Variants in SMOC2 observed in about 807,000 individuals in gnomAD.
The protein encoded by SMOC2 is SPARC-related modular calcium-binding protein 2.
Under a neutral mutation model 61.4 loss-of-function variants are expected in SMOC2, and 39 were observed. The ratio of observed to expected loss-of-function variants is 0.64; its 90% CI spans 0.49 to 0.83. The LOEUF (loss-of-function observed/expected upper bound fraction) is 0.83. Among genes scored for constraint, SMOC2 ranks in the 40% least tolerant of loss-of-function variants. SMOC2 has a pLI of 0.00. For synonymous variants in SMOC2, 247 were observed against 239.9 expected (o/e 1.03, Z -0.27); for missense variants, 556 against 592.9 (o/e 0.94, Z 0.65).
intron 9 of SMOC2, among the ~76,000 whole-genome samples, chr6:168,642,224 G>A (rs1237303753): frequency 2.0e-5 from 3 of 152,252 alleles, no homozygotes; most frequent in East Asian, 1.9e-4. Flanking sequence ...GAAGATTTAC[G>A]GACAGAAAAA....
At chr6:168,514,504 C>T (rs903115138) in intron 2 of SMOC2, among the ~76,000 whole-genome samples, 34 of 152,286 alleles carry the variant, frequency 2.2e-4, no homozygotes, top group African/African-American at 6.5e-4. Flanking sequence ...TGTGTCTGAC[C>T]GACGTGTGTG....
chr6:168,635,890 A>C (rs939286961), intron 9 of SMOC2, among the ~76,000 whole-genome samples: 3 of 142,276 alleles, frequency 2.1e-5, no homozygotes, highest in Non-Finnish European at 3.1e-5. Context: ...AAAAAAGTTT[A>C]CTGGTTTAAC....
intron 2 of SMOC2, among the ~76,000 whole-genome samples, chr6:168,515,360 C>G (rs900700341): frequency 6.6e-6 from 1 of 152,154 alleles, no homozygotes; most frequent in African/African-American, 2.4e-5. Context: ...GAGACTGTTC[C>G]CCGCGCATCA....
At chr6:168,541,970 T>G (rs1783886076) in intron 4 of SMOC2, among the ~76,000 whole-genome samples, 1 of 152,228 alleles carries the variant, frequency 6.6e-6, no homozygotes, top group Non-Finnish European at 1.5e-5. Context: ...TGCAAAATAT[T>G]TTCTTATTTC....
intron 2 of SMOC2, among the ~76,000 whole-genome samples, chr6:168,523,770 G>A (rs1783390806): frequency 6.6e-6 from 1 of 152,146 alleles, no homozygotes; most frequent in South Asian, 2.1e-4. Context: ...TAAACATAAA[G>A]TGTTCAGAGT....
chr6:168,501,204 A>G (rs77973234), intron 1 of SMOC2, among the ~76,000 whole-genome samples: 14 of 152,352 alleles, frequency 9.2e-5, no homozygotes, highest in Admixed American at 2.6e-4. Context: ...CTGAATCTCA[A>G]ATAAAACTGG....
intron 2 of SMOC2, among the ~76,000 whole-genome samples, chr6:168,525,200 T>C (rs566069212): frequency 1.7e-4 from 26 of 152,352 alleles, no homozygotes; most frequent in African/African-American, 6.3e-4. Context: ...AAAGCATGCA[T>C]GTGTGTTCTG....
At chr6:168,600,564 T>C (rs73262509) in intron 8 of SMOC2, among the ~76,000 whole-genome samples, 5,215 of 152,276 alleles carry the variant, frequency 0.034, 299 homozygotes, top group African/African-American at 0.12. Context: ...CTGGCTCTTC[T>C]GCCCCACTCA....
intron 2 of SMOC2, among the ~76,000 whole-genome samples, chr6:168,522,136 A>C (rs888286283): frequency 6.6e-6 from 1 of 152,176 alleles, no homozygotes. Context: ...TAGTAATATA[A>C]TACTATGAGC....
At chr6:168,571,882 T>TG (rs1784676724) in intron 7 of SMOC2, among the ~76,000 whole-genome samples, 2 of 107,820 alleles carry the variant, frequency 1.9e-5, no homozygotes, top group Non-Finnish European at 3.8e-5. Flanking sequence ...CATCCCCGGG[T>TG]GCGGGGACCA....
intron 1 of SMOC2, among the ~76,000 whole-genome samples, chr6:168,443,524 A>C (rs1340676969): frequency 3.9e-5 from 6 of 152,196 alleles, no homozygotes; most frequent in African/African-American, 1.2e-4. Context: ...CCCGAAGAAA[A>C]GATTAAAGCC....
chr6:168,602,410 T>C (rs1265625809), intron 8 of SMOC2, among the ~76,000 whole-genome samples: 1 of 152,284 alleles, frequency 6.6e-6, no homozygotes, highest in Non-Finnish European at 1.5e-5. Flanking sequence ...GGCATCACAG[T>C]GATAATGTAT....
At chr6:168,655,256 T>C (rs572074356) in intron 11 of SMOC2, 17 of 381,266 alleles carry the variant, frequency 4.5e-5, no homozygotes, top group Non-Finnish European at 5.3e-5. Context: ...ACCCTGCACC[T>C]GAGCTCCAAC....
chr6:168,614,356 T>C (rs796653442), intron 9 of SMOC2, among the ~76,000 whole-genome samples: 150 of 56,948 alleles, frequency 2.6e-3, no homozygotes, highest in Middle Eastern at 0.027. Flanking sequence ...GACCTCTTCA[T>C]ACCTACAGCC....
chr6:168,496,631 A>G (rs972178697), intron 1 of SMOC2, among the ~76,000 whole-genome samples: 1 of 152,014 alleles, frequency 6.6e-6, no homozygotes, highest in Non-Finnish European at 1.5e-5. Flanking sequence ...CTTGGCCGGC[A>G]CCTGGACGGG....
At chr6:168,647,947 C>G (rs1043779949) in intron 9 of SMOC2, among the ~76,000 whole-genome samples, 1 of 151,806 alleles carries the variant, frequency 6.6e-6, no homozygotes, top group African/African-American at 2.4e-5. Context: ...TCTTTTTGCA[C>G]TAAAGACTCC....
At chr6:168,443,727 G>C (rs912114194) in intron 1 of SMOC2, among the ~76,000 whole-genome samples, 1 of 151,996 alleles carries the variant, frequency 6.6e-6, no homozygotes, top group Non-Finnish European at 1.5e-5. Context: ...TTTTGTCTCC[G>C]GAGGCCCTCA....
intron 9 of SMOC2, among the ~76,000 whole-genome samples, chr6:168,634,562 A>G (rs537603894): frequency 6.6e-6 from 1 of 152,312 alleles, no homozygotes; most frequent in South Asian, 2.1e-4. Context: ...AGAATATTAA[A>G]AGTTCATGGT....
intron 1 of SMOC2, among the ~76,000 whole-genome samples, chr6:168,450,976 G>T (rs938184568): frequency 1.3e-5 from 2 of 152,096 alleles, no homozygotes; most frequent in African/African-American, 2.4e-5. Context: ...CATTATCCTA[G>T]GTTGGAAATA....
Sources: gnomAD v4.1 joint callset for allele counts (sites outside exome capture counted in the v4.1 genomes callset) on GRCh38, gnomAD v4.1.1 for gene constraint, MANE v1.5 for transcripts, NCBI Gene and HGNC (gene_info 2026-07-23, HGNC 2026-07-21) for gene names.